ACKR3: variants seen among roughly 807,000 people sequenced by gnomAD.
ACKR3 encodes the protein atypical chemokine receptor 3.
In ACKR3, 6 loss-of-function variants were observed where a neutral mutation model predicts 22.4. The ratio of observed to expected loss-of-function variants is 0.27; its 90% CI spans 0.15 to 0.53. The LOEUF (loss-of-function observed/expected upper bound fraction) is 0.53. Ranked by LOEUF, ACKR3 falls within the 20% of genes least tolerant of loss-of-function variation. The pLI, the probability that ACKR3 is intolerant of heterozygous loss-of-function variation, is 0.96. For missense variants in ACKR3, 396 were observed against 475.2 expected, an observed-to-expected ratio of 0.83 and a Z score of 1.55; for synonymous variants, 209 against 205.2, an observed-to-expected ratio of 1.02 and a Z score of -0.16.
In ACKR3 at chr2:236,580,849, C is replaced by T. The variant is rs1335408880; in HGVS notation, c.384C>T (p.Leu128=). 1 of 1,614,244 alleles carries T rather than the reference C, an allele frequency of 6.2e-7. No individual in the cohort carries two copies. Among genetic ancestry groups the T allele is most frequent in the African/African-American group, 1.3e-5 (1 of 75,064 alleles). Residue 128 remains leucine (L), a synonymous_variant, in exon 2 of 2, where the codon CTC becomes CTT. Transcript: ENST00000272928. ...CACACCTCATCTTCTCCATCAACCT[C>T]TTCGGCAGCATTTTCTTCCTCACGT... ...KVTHLIFSIN[L]FGSIFFLTCM...
In ACKR3 at chr2:236,577,263, C is replaced by T. The variant is rs1192127327; in HGVS notation, c.-26-3177C>T. 6.6e-6 allele frequency among the ~76,000 whole-genome samples: 1 copy of T among 152,210 alleles called. No homozygotes were observed. Among genetic ancestry groups the T allele is most frequent in the Admixed American group, 6.5e-5 (1 of 15,284 alleles). ...CCTTGTTGGAAGTTTCCCACTGTGCCACCCGGGAGGGGAGAAGCAAGGACA... is the reference window on the plus strand; with the variant it reads ...CCTTGTTGGAAGTTTCCCACTGTGCTACCCGGGAGGGGAGAAGCAAGGACA... On this transcript the variant is annotated intron_variant, in intron 1 of 1. Transcript: ENST00000272928. The surrounding 1 kb of genome is among the most constrained non-coding windows in gnomAD (Gnocchi z 5.6).
In ACKR3 at chr2:236,581,461, C is replaced by T; in HGVS notation, c.996C>T (p.Phe332=). 1 of 1,614,214 alleles carries T rather than the reference C, an allele frequency of 6.2e-7. No individual in the cohort carries two copies. The highest frequency in any genetic ancestry group is 1.1e-5 in the South Asian group (1 of 91,078). The change falls in exon 2 of 2, where the codon TTC becomes TTT. Residue 332 remains phenylalanine (F), a synonymous_variant. Transcript: ENST00000272928. The surrounding 1 kb of genome is among the most constrained non-coding windows in gnomAD (Gnocchi z 4.4). The stretch of plus-strand genomic sequence containing the variant: ...ACGAGCTGATGAAGGCCTTCATCTT[C>T]AAGTACTCGGCCAAAACAGGGCTCA... The part of the protein sequence containing the change: ...YRYELMKAFI[F]KYSAKTGLTK...
chr2:236,557,759 G>A, the ACKR3 span, among the ~76,000 whole-genome samples: 1,287 of 152,316 alleles, frequency 8.4e-3, 16 homozygotes, highest in African/African-American at 0.03. Context: ...CTGACAGCCA[G>A]TTCCAATCAC....
upstream of ACKR3, among the ~76,000 whole-genome samples, chr2:236,564,583 T>C (rs990398761): frequency 6.8e-6 from 1 of 147,224 alleles, no homozygotes; most frequent in African/African-American, 2.6e-5. Context: ...TTTTCTCTTT[T>C]CCTTCCTAGT....
intron 1 of ACKR3, among the ~76,000 whole-genome samples, chr2:236,578,784 A>T (rs1691464021): frequency 6.6e-6 from 1 of 152,112 alleles, no homozygotes; most frequent in Admixed American, 6.5e-5. Flanking sequence ...TCTCTGTGCG[A>T]GCTCCCCCGG....
At chr2:236,557,270 G>T in the ACKR3 span, among the ~76,000 whole-genome samples, 2 of 152,046 alleles carry the variant, frequency 1.3e-5, no homozygotes, top group African/African-American at 2.4e-5. Context: ...GTGTGTGTGT[G>T]TGTGTGTGTG....
intron 1 of ACKR3, among the ~76,000 whole-genome samples, chr2:236,576,964 G>C (rs1398490094): frequency 2.0e-5 from 3 of 152,174 alleles, no homozygotes; most frequent in Non-Finnish European, 2.9e-5. Context: ...CCTTTTCACT[G>C]TACTTTCCTT....
chr2:236,547,435 T>C, the ACKR3 span, among the ~76,000 whole-genome samples: 1 of 152,314 alleles, frequency 6.6e-6, no homozygotes, highest in African/African-American at 2.4e-5. Flanking sequence ...CACAAATATA[T>C]GTATAAAGTT....
At chr2:236,565,971 G>A (rs1157726222), upstream of ACKR3, among the ~76,000 whole-genome samples, 2 of 152,142 alleles carry the variant, frequency 1.3e-5, no homozygotes, top group South Asian at 2.1e-4. Flanking sequence ...AATGAGGAAC[G>A]CCTCGTCCTC....
chr2:236,548,939 C>T, the ACKR3 span, among the ~76,000 whole-genome samples: 8,928 of 152,254 alleles, frequency 0.059, 331 homozygotes, highest in Non-Finnish European at 0.093. This position sits in a 1 kb window ranked among gnomAD's most constrained non-coding sequence, Gnocchi z 4.3. Flanking sequence ...CAAGGGCGCA[C>T]ATATTTAAAG....
chr2:236,552,581 A>G, the ACKR3 span, among the ~76,000 whole-genome samples: 5 of 152,314 alleles, frequency 3.3e-5, no homozygotes, highest in African/African-American at 1.2e-4. Flanking sequence ...TTTGGAAAAA[A>G]TGGTAAATGC....
chr2:236,566,763 C>CCTTT (rs1433991766), upstream of ACKR3, among the ~76,000 whole-genome samples: 1 of 144,908 alleles, frequency 6.9e-6, no homozygotes, highest in Non-Finnish European at 1.5e-5. Flanking sequence ...TTCCTTCCTT[C>CCTTT]CTTTTCTTTG....
chr2:236,580,684 G>A lies in ACKR3; in HGVS notation c.219G>A (p.Lys73=). The A allele has an allele frequency of 6.2e-7, 1 of 1,614,194 alleles. No homozygotes were observed. The highest frequency in any genetic ancestry group is 8.5e-7 in the Non-Finnish European group (1 of 1,180,044). ...SVVVWVNIQA[K]TTGYDTHCYI... is the part of the protein sequence containing the mutation. ...TGGTCTGGGTGAATATCCAGGCCAAGACCACAGGCTATGACACGCACTGCT... is the reference window on the plus strand; with the variant it reads ...TGGTCTGGGTGAATATCCAGGCCAAAACCACAGGCTATGACACGCACTGCT... The change falls in exon 2 of 2, where the codon AAG becomes AAA. Residue 73 remains lysine, a synonymous_variant. Transcript: ENST00000272928.
intron 1 of ACKR3, among the ~76,000 whole-genome samples, chr2:236,578,205 G>C (rs557217896): frequency 6.6e-6 from 1 of 152,202 alleles, no homozygotes; most frequent in Non-Finnish European, 1.5e-5. Flanking sequence ...GGGGTTGCCC[G>C]TCCACCCTGG....
intron 1 of ACKR3, among the ~76,000 whole-genome samples, chr2:236,575,475 TGC>T (rs1489395650): frequency 6.9e-6 from 1 of 145,346 alleles, no homozygotes; most frequent in African/African-American, 2.6e-5. Flanking sequence ...GTGCTGTGTG[TGC>T]GTGTGTCTGG....
At chr2:236,563,228 G>A (rs1691107025), upstream of ACKR3, among the ~76,000 whole-genome samples, 1 of 152,200 alleles carries the variant, frequency 6.6e-6, no homozygotes, top group Non-Finnish European at 1.5e-5. Flanking sequence ...AAAATAGGGA[G>A]AGGACAAAAA....
At chr2:236,537,357 C>T in the ACKR3 span, among the ~76,000 whole-genome samples, 3,915 of 152,284 alleles carry the variant, frequency 0.026, 61 homozygotes, top group Non-Finnish European at 0.039. Flanking sequence ...GGTAAGGAGG[C>T]TGGTTTTGCC....
Position 236,580,967 on chromosome 2 carries a change from G to A in ACKR3, c.502G>A (p.Val168Met). Residue 168 changes from valine (V) to methionine (M), a missense_variant, in exon 2 of 2, where the codon GTG (valine) becomes ATG (methionine). Transcript: ENST00000272928. Reference sequence around the variant, plus strand: ...GGTACGCCGTGTCGTCTGCATCCTGGTGTGGCTGCTGGCCTTCTGCGTGTC... The same window carrying A: ...GGTACGCCGTGTCGTCTGCATCCTGATGTGGCTGCTGGCCTTCTGCGTGTC... ...KMVRRVVCILVWLLAFCVSLP... is the reference protein window; with the variant it reads ...KMVRRVVCILMWLLAFCVSLP... 1 of 1,614,132 alleles carries A rather than the reference G, an allele frequency of 6.2e-7. No individual in the cohort carries two copies. The highest frequency in any genetic ancestry group is 1.1e-5 in the South Asian group (1 of 91,076).
intron 1 of ACKR3, among the ~76,000 whole-genome samples, chr2:236,579,377 G>A (rs1691475656): frequency 6.6e-6 from 1 of 152,214 alleles, no homozygotes; most frequent in Admixed American, 6.5e-5. Context: ...TTTACAGTGG[G>A]GTTCAGGCAG....
Sources: allele counts gnomAD v4.1 joint callset (sites outside exome capture counted in the v4.1 genomes callset), GRCh38; gene constraint gnomAD v4.1.1; non-coding constraint Gnocchi (gnomAD v3.1); transcripts MANE v1.5; gene names NCBI Gene and HGNC (gene_info 2026-07-23, HGNC 2026-07-21).